PTPRN2: variants seen among roughly 807,000 people sequenced by gnomAD.
The protein encoded by PTPRN2 is protein tyrosine phosphatase receptor type N2.
Under a neutral mutation model 118.8 loss-of-function variants are expected in PTPRN2, and 74 were observed. That is an observed-to-expected ratio of 0.62 (90% CI 0.52 to 0.76). PTPRN2 has a LOEUF of 0.76. Ranked by LOEUF, PTPRN2 falls within the 30% of genes least tolerant of loss-of-function variation. The pLI is 0.00. For synonymous variants in PTPRN2, 641 were observed against 608.0 expected, an observed-to-expected ratio of 1.05 and a Z score of -0.80; for missense variants, 1,481 against 1,394.4, an observed-to-expected ratio of 1.06 and a Z score of -0.99.
Position 158,236,983 on chromosome 7 carries a change from C to T in PTPRN2, c.278-31710G>A, listed in dbSNP as rs1407839343. ...AACTCAGAGTTGAATGGATTAAGGG[C>T]GGTGCAGGATGTGCTTTGTTAAACA... On this transcript the variant is annotated intron_variant, in intron 3 of 22. Transcript: ENST00000389418. 1.9e-4 allele frequency among the ~76,000 whole-genome samples: 10 copies of T among 52,280 alleles called. 4 individuals are homozygous for T. Among genetic ancestry groups the T allele is most frequent in the Non-Finnish European group, 3.3e-5 (1 of 30,012 alleles). The allele number at this position is 52,280 out of a possible 152,430, so 34.3% of individuals were successfully genotyped here. A position where few individuals can be genotyped will look rare whatever the true frequency, so the allele number is the denominator to read the frequency against.
chr7:158,443,381 G>C (rs1395315459), intron 2 of PTPRN2, among the ~76,000 whole-genome samples: 2 of 152,248 alleles, frequency 1.3e-5, no homozygotes, highest in Non-Finnish European at 2.9e-5. Context: ...AGACAAACTT[G>C]ACTTCTGGGT....
chr7:157,682,941 C>T lies in PTPRN2; in HGVS notation c.1789-4G>A. 3.1e-6 allele frequency: 5 copies of T among 1,603,648 alleles called. No homozygotes were observed. Among genetic ancestry groups the T allele is most frequent in the Non-Finnish European group, 3.4e-6 (4 of 1,171,196 alleles). On this transcript the variant is annotated splice_polypyrimidine_tract_variant and splice_region_variant and intron_variant, in intron 12 of 22. Transcript: ENST00000389418. ...GCAGGAACTTGAGTTTGCTTTTCTG[C>T]AGAACAAGGAGAGAGGGGTGTGTTA...
intron 12 of PTPRN2, among the ~76,000 whole-genome samples, chr7:157,853,452 AC>A (rs1022310183): frequency 1.0e-4 from 14 of 138,886 alleles, no homozygotes; most frequent in African/African-American, 3.5e-4. Flanking sequence ...CCCTCTCCCC[AC>A]CCCCCCACCT....
chr7:158,515,231 G>C (rs1399032689), intron 1 of PTPRN2, among the ~76,000 whole-genome samples: 1 of 151,150 alleles, frequency 6.6e-6, no homozygotes, highest in Non-Finnish European at 1.5e-5. Flanking sequence ...TTGTTGCCCA[G>C]GCTGGAGTGC....
chr7:157,959,773 A>G (rs750666238), intron 11 of PTPRN2, among the ~76,000 whole-genome samples: 2 of 152,232 alleles, frequency 1.3e-5, no homozygotes, highest in East Asian at 3.8e-4. Flanking sequence ...AAATAGCTTG[A>G]GAATTCCTCA....
In PTPRN2 at chr7:158,249,868, G is replaced by A. The variant is rs113345108; in HGVS notation, c.278-44595C>T. Among the ~76,000 whole-genome samples, 11 of 152,274 alleles carry A rather than the reference G, an allele frequency of 7.2e-5. No homozygotes were observed. The South Asian group carries it at 1.7e-3, about 23-fold the overall frequency. On this transcript the variant is annotated intron_variant, in intron 3 of 22. Transcript: ENST00000389418. ...CTCCTGTGCTCCAGCAAGACGCCAC[G>A]TCCCTCCCCCAGTGTGTGTGCACAA...
Position 158,167,204 on chromosome 7 carries a change from G to C in PTPRN2, c.637C>G (p.Arg213Gly). ...TYPPGSRTQL[R>G]EDLLPRTLGQ... ...AGGGTCCGCGGCAGGAGGTCCTCGC[G>C]GAGCTGGGTCCGGGACCCGGGAGGG... The change falls in exon 6 of 23, where the codon CGC becomes GGC. Residue 213 changes from arginine (R) to glycine (G), a missense_variant. Arg to Gly is a moderately radical substitution (Grantham distance 125). This residue lies in a region of PTPRN2 where 1,115 missense variants were observed against 994.2 expected (regional missense o/e 1.12). Coordinates refer to ENST00000389418, the MANE Select transcript of PTPRN2 (RefSeq NM_002847.5). The C allele has an allele frequency of 6.2e-7, 1 of 1,613,668 alleles. No individual in the cohort carries two copies. The highest frequency in any genetic ancestry group is 8.5e-7 in the Non-Finnish European group (1 of 1,179,930).
intron 6 of PTPRN2, among the ~76,000 whole-genome samples, chr7:158,143,242 G>A (rs558955361): frequency 3.9e-5 from 6 of 152,158 alleles, no homozygotes; most frequent in African/African-American, 1.4e-4. Flanking sequence ...AAAAGTAGGC[G>A]GCCACAGGCA....
At chr7:158,135,164 T>A (rs960809407) in intron 8 of PTPRN2, among the ~76,000 whole-genome samples, 2 of 152,218 alleles carry the variant, frequency 1.3e-5, no homozygotes, top group African/African-American at 4.8e-5. Context: ...TTATATTAGA[T>A]GTAAACAGGA....
chr7:157,819,264 C>T (rs1444069381), intron 12 of PTPRN2, among the ~76,000 whole-genome samples: 1 of 152,180 alleles, frequency 6.6e-6, no homozygotes, highest in Non-Finnish European at 1.5e-5. Flanking sequence ...CCCTCACCCC[C>T]ATGCCTCATC....
chr7:158,492,698 G>T (rs1394413859), intron 1 of PTPRN2, among the ~76,000 whole-genome samples: 1 of 152,256 alleles, frequency 6.6e-6, no homozygotes, highest in Non-Finnish European at 1.5e-5. Context: ...TGACTGCTAA[G>T]TTATTTGTTC....
chr7:158,016,655 G>C (rs563853258), intron 11 of PTPRN2, among the ~76,000 whole-genome samples: 3 of 152,214 alleles, frequency 2.0e-5, no homozygotes, highest in Non-Finnish European at 4.4e-5. Context: ...GTGCTTGCCA[G>C]CTCTCTAATC....
Position 157,579,659 on chromosome 7 carries a change from G to A in PTPRN2, c.2497-1519C>T, listed in dbSNP as rs1012664500. 5.9e-5 allele frequency among the ~76,000 whole-genome samples: 9 copies of A among 152,224 alleles called. 1 individual carries two copies. The highest frequency in any genetic ancestry group is 1.3e-4 in the Non-Finnish European group (9 of 68,034). On this transcript the variant is annotated intron_variant, in intron 17 of 22. Transcript: ENST00000389418. ...GGAAGCCGCACTCATTGGCTCTCGCGTCCGCCCTTCATTATGGGGCGCCTT... is the reference window on the plus strand; with the variant it reads ...GGAAGCCGCACTCATTGGCTCTCGCATCCGCCCTTCATTATGGGGCGCCTT...
At chr7:158,280,473 C>T (rs564763685) in intron 3 of PTPRN2, among the ~76,000 whole-genome samples, 19 of 152,350 alleles carry the variant, frequency 1.2e-4, no homozygotes, top group Middle Eastern at 3.4e-3. Flanking sequence ...TCAGCCTCTG[C>T]ACACAAACCA....
intron 2 of PTPRN2, among the ~76,000 whole-genome samples, chr7:158,433,310 G>A (rs1401109036): frequency 6.6e-6 from 1 of 152,196 alleles, no homozygotes; most frequent in African/African-American, 2.4e-5. Context: ...TGTACTCATA[G>A]GAGTGGGATT....
intron 2 of PTPRN2, among the ~76,000 whole-genome samples, chr7:158,441,362 TG>T (rs528345128): frequency 1.4e-5 from 2 of 148,026 alleles, no homozygotes; most frequent in South Asian, 2.2e-4. Flanking sequence ...GTGATGGTGA[TG>T]GCAGTGGTGG....
Position 158,133,889 on chromosome 7 carries a change from C to G in PTPRN2, c.1344G>C (p.Lys448Asn). The G allele has an allele frequency of 1.2e-6, 2 of 1,613,922 alleles. No homozygotes were observed. The highest frequency in any genetic ancestry group is 1.7e-6 in the Non-Finnish European group (2 of 1,180,052). Residue 448 changes from lysine to asparagine, a missense_variant, in exon 9 of 23, where the codon AAG (lysine) becomes AAC (asparagine). Lys to Asn is a moderately conservative substitution (Grantham distance 94). Transcript: ENST00000389418. ...EEETAGVENV[K>N]SQTYSKDLLG... Reference sequence around the variant, plus strand: ...GCAGATCTTTGGAATACGTCTGGCTCTTGACGTTCTCCACTCCGGCAGTCT... The same window carrying G: ...GCAGATCTTTGGAATACGTCTGGCTGTTGACGTTCTCCACTCCGGCAGTCT...
At chr7:157,979,394 A>G (rs1802970484) in intron 11 of PTPRN2, among the ~76,000 whole-genome samples, 1 of 152,202 alleles carries the variant, frequency 6.6e-6, no homozygotes, top group South Asian at 2.1e-4. Flanking sequence ...TCCACATCTG[A>G]GAAAACACTT....
Position 158,274,508 on chromosome 7 carries a change from A to G in PTPRN2, c.277+42311T>C, listed in dbSNP as rs112166595. On this transcript the variant is annotated intron_variant, in intron 3 of 22. Transcript: ENST00000389418. ...AGGAGCCGCAGGCACAGGGGGAGCC[A>G]CAGGCACGGGGGAGCCGCAGGCACA... is the stretch of plus-strand genomic sequence containing the variant. Among the ~76,000 whole-genome samples, 793 of 136,118 alleles carry G rather than the reference A, an allele frequency of 5.8e-3. 6 individuals are homozygous for G. The highest frequency in any genetic ancestry group is 0.016 in the African/African-American group (570 of 35,326). The allele number at this position is 136,118 out of a possible 152,430, so 89.3% of individuals were successfully genotyped here.
Sources: allele counts gnomAD v4.1 joint callset (sites outside exome capture counted in the v4.1 genomes callset), GRCh38; gene constraint gnomAD v4.1.1; regional missense constraint gnomAD v4.1.1; transcripts MANE v1.5; gene names NCBI Gene and HGNC (gene_info 2026-07-23, HGNC 2026-07-21).